The following RIMS2 variants were observed in gnomAD, a reference collection of about 807,000 sequenced individuals.
RIMS2 encodes the protein regulating synaptic membrane exocytosis protein 2.
Under a neutral mutation model 174.4 loss-of-function variants are expected in RIMS2, and 59 were observed. The ratio of observed to expected loss-of-function variants is 0.34; its 90% CI spans 0.27 to 0.42. RIMS2 has a LOEUF of 0.42. RIMS2 is among the 10% of genes least tolerant of loss of function. The pLI is 1.00. For missense variants in RIMS2, 1,620 were observed against 1,666.3 expected, an observed-to-expected ratio of 0.97 and a Z score of 0.48; for synonymous variants, 606 against 572.5, an observed-to-expected ratio of 1.06 and a Z score of -0.84.
intron 3 of RIMS2, among the ~76,000 whole-genome samples, chr8:103,847,516 C>G (rs1270289610): frequency 6.6e-6 from 1 of 152,034 alleles, no homozygotes. Flanking sequence ...TTTGCTTTGT[C>G]TTAAATATGT....
intron 19 of RIMS2, among the ~76,000 whole-genome samples, chr8:104,020,192 A>G (rs983008573): frequency 3.3e-5 from 5 of 151,578 alleles, no homozygotes; most frequent in Non-Finnish European, 5.9e-5. Flanking sequence ...TTGTTTCCCT[A>G]TTGTGTGATT....
At chr8:103,750,691 T>G (rs1034141280) in intron 2 of RIMS2, among the ~76,000 whole-genome samples, 1 of 151,916 alleles carries the variant, frequency 6.6e-6, no homozygotes, top group African/African-American at 2.4e-5. Flanking sequence ...GTTTTATAGG[T>G]GTCTGTTTTA....
chr8:104,025,710 C>T (rs62527149), intron 19 of RIMS2, among the ~76,000 whole-genome samples: 10 of 144,044 alleles, frequency 6.9e-5, no homozygotes, highest in African/African-American at 2.3e-4. Context: ...TAAACGTATA[C>T]ACACACACAC....
At chr8:103,920,834 A>AT in intron 9 of RIMS2, 3 of 347,248 alleles carry the variant, frequency 8.6e-6, no homozygotes, top group South Asian at 6.4e-5. Context: ...CTAAAAAAAA[A>AT]AAAAAATACA....
At position 103,581,590 on chromosome 8, in the gene RIMS2, C is replaced by G. The variant is rs115261871; in HGVS notation, c.176+80528C>G. ...AAGACAAGGATGCCTGCTTTCACCA[C>G]TTTTAATCAATATAAAAGTGAAAGT... On this transcript the variant is annotated intron_variant, in intron 1 of 23. Coordinates refer to ENST00000504942, the Ensembl canonical transcript of RIMS2. Among the ~76,000 whole-genome samples, 741 of 152,260 alleles carry G rather than the reference C, an allele frequency of 4.9e-3. 9 individuals carry two copies. The highest frequency in any genetic ancestry group is 0.016 in the African/African-American group (684 of 41,560).
intron 19 of RIMS2, among the ~76,000 whole-genome samples, chr8:104,217,685 T>C (rs1266012333): frequency 6.6e-6 from 1 of 152,226 alleles, no homozygotes; most frequent in African/African-American, 2.4e-5. Context: ...AAAATACTTT[T>C]GAAAACTGAA....
At chr8:103,548,692 T>C (rs1417890821) in intron 1 of RIMS2, among the ~76,000 whole-genome samples, 1 of 152,040 alleles carries the variant, frequency 6.6e-6, no homozygotes, top group Non-Finnish European at 1.5e-5. Context: ...GAGAAAGAAA[T>C]AAAATGCATT....
exon 2 of RIMS2, chr8:103,697,167 G>A: frequency 6.2e-7 from 1 of 1,613,644 alleles, no homozygotes; most frequent in Non-Finnish European, 8.5e-7. Flanking sequence ...AAGAACAGAA[G>A]GGTGATGCGC....
exon 1 of RIMS2, chr8:103,500,939 C>G: frequency 6.2e-7 from 1 of 1,608,624 alleles, no homozygotes; most frequent in Non-Finnish European, 8.5e-7. Context: ...CCGGCGGCCT[C>G]TCAGCCGCCT....
At chr8:104,030,295 G>A (rs1454400262) in intron 19 of RIMS2, among the ~76,000 whole-genome samples, 1 of 152,048 alleles carries the variant, frequency 6.6e-6, no homozygotes, top group East Asian at 1.9e-4. Context: ...AGACCAGCCT[G>A]AGCAACATAG....
In RIMS2 at chr8:103,821,035, CT is replaced by C. The variant is rs1014853805; in HGVS notation, c.698+54507del. 3.2e-4 allele frequency among the ~76,000 whole-genome samples: 47 copies of C among 148,390 alleles called. 1 individual carries two copies. Among genetic ancestry groups the C allele is most frequent in the Admixed American group, 1.7e-3 (25 of 14,862 alleles). ...AACCTTTTCCTTGTTTTAGTTCCAT[CT>C]TTTTTTTTAATGCCAAGAATTTGTG... On this transcript the variant is annotated intron_variant, in intron 3 of 23. Transcript: ENST00000504942.
intron 19 of RIMS2, among the ~76,000 whole-genome samples, chr8:104,233,485 C>G (rs1388531715): frequency 1.3e-5 from 2 of 152,156 alleles, no homozygotes; most frequent in Non-Finnish European, 2.9e-5. Flanking sequence ...AGTTATCAAT[C>G]TCACTTGGTA....
intron 12 of RIMS2, among the ~76,000 whole-genome samples, chr8:103,936,108 G>C (rs1565406201): frequency 6.6e-6 from 1 of 152,066 alleles, no homozygotes. Flanking sequence ...GAACTTTATA[G>C]ATAAGAAGTT....
At chr8:104,066,684 A>G (rs544008272) in intron 19 of RIMS2, among the ~76,000 whole-genome samples, 4 of 152,276 alleles carry the variant, frequency 2.6e-5, no homozygotes, top group Admixed American at 2.6e-4. Flanking sequence ...CTGGTTTTAT[A>G]TGTCATTCAA....
At chr8:103,621,727 C>T (rs569079149) in intron 1 of RIMS2, among the ~76,000 whole-genome samples, 1 of 152,114 alleles carries the variant, frequency 6.6e-6, no homozygotes, top group Non-Finnish European at 1.5e-5. Flanking sequence ...TCTCTGGGAC[C>T]CACAATTTTT....
chr8:103,705,682 T>C (rs1590772397), intron 2 of RIMS2, among the ~76,000 whole-genome samples: 1 of 152,080 alleles, frequency 6.6e-6, no homozygotes, highest in Admixed American at 6.6e-5. Flanking sequence ...AATTGACCCC[T>C]GTATCATTAA....
intron 4 of RIMS2, among the ~76,000 whole-genome samples, chr8:103,906,080 G>T (rs1428717568): frequency 1.3e-5 from 2 of 152,022 alleles, no homozygotes; most frequent in Non-Finnish European, 2.9e-5. Flanking sequence ...AGAATATCCA[G>T]TGGAAACTAT....
At chr8:103,580,700 C>T (rs534256146) in intron 1 of RIMS2, among the ~76,000 whole-genome samples, 18 of 151,906 alleles carry the variant, frequency 1.2e-4, no homozygotes, top group Non-Finnish European at 2.5e-4. Flanking sequence ...TGTGGTAAAA[C>T]GTTTACCATC....
At chr8:103,743,219 A>G (rs939846415) in intron 2 of RIMS2, among the ~76,000 whole-genome samples, 2 of 152,196 alleles carry the variant, frequency 1.3e-5, no homozygotes, top group African/African-American at 4.8e-5. Context: ...TAATCTACAA[A>G]TGCATTCTAT....
Sources: allele counts gnomAD v4.1 joint callset (sites outside exome capture counted in the v4.1 genomes callset), GRCh38; gene constraint gnomAD v4.1.1; transcripts MANE v1.5; gene names NCBI Gene and HGNC (gene_info 2026-07-23, HGNC 2026-07-21).